Variants in OSBPL3 observed in about 807,000 individuals in gnomAD.
OSBPL3 encodes oxysterol-binding protein-related protein 3.
Under a neutral mutation model 120.1 loss-of-function variants are expected in OSBPL3, and 65 were observed. That is an observed-to-expected ratio of 0.54 (90% CI 0.44 to 0.67). OSBPL3 has a LOEUF of 0.67. OSBPL3 is among the 30% of genes least tolerant of loss of function. OSBPL3 has a pLI of 0.00. For synonymous variants in OSBPL3, 416 were observed against 402.6 expected (o/e 1.03, Z -0.40); for missense variants, 1,004 against 1,082.1 (o/e 0.93, Z 1.01).
chr7:24,960,754 A>AT (rs1815631911), intron 1 of OSBPL3, among the ~76,000 whole-genome samples: 1 of 152,236 alleles, frequency 6.6e-6, no homozygotes, highest in African/African-American at 2.4e-5. Flanking sequence ...ACACAAAAAG[A>AT]TAATTAACTG....
chr7:24,901,058 G>C (rs931838657), intron 1 of OSBPL3, among the ~76,000 whole-genome samples: 4 of 151,184 alleles, frequency 2.6e-5, no homozygotes, highest in Non-Finnish European at 4.4e-5. Flanking sequence ...GGCCAGGTGT[G>C]GTGGCTCACA....
chr7:24,905,516 A>G (rs1253355986), intron 1 of OSBPL3, among the ~76,000 whole-genome samples: 1 of 152,212 alleles, frequency 6.6e-6, no homozygotes, highest in Non-Finnish European at 1.5e-5. Flanking sequence ...AGTCTAGATC[A>G]ATTATTACCA....
At chr7:24,893,398 CA>C (rs1199059957) in intron 1 of OSBPL3, among the ~76,000 whole-genome samples, 1 of 152,160 alleles carries the variant, frequency 6.6e-6, no homozygotes, top group African/African-American at 2.4e-5. Flanking sequence ...TGTATGTTTC[CA>C]TATGAAATAT....
Position 24,893,528 on chromosome 7 carries a change from T to C in OSBPL3, c.-149-907A>G, listed in dbSNP as rs566443615. ...TGGTGTGATAAGAATATTCTGGAAC[T>C]AGGCTGGGCTCAGTGGCTCATGCCT... On this transcript the variant is annotated intron_variant, in intron 1 of 22. Coordinates refer to ENST00000313367, the MANE Select transcript of OSBPL3 (RefSeq NM_015550.4). Among the ~76,000 whole-genome samples, 9 of 152,282 alleles carry C rather than the reference T, an allele frequency of 5.9e-5. No homozygotes were observed. In the East Asian group the frequency reaches 1.5e-3, roughly 26 times the overall value.
chr7:24,975,722 T>C (rs1563028907), intron 1 of OSBPL3, among the ~76,000 whole-genome samples: 1 of 152,164 alleles, frequency 6.6e-6, no homozygotes. Context: ...AGGTAAGAAG[T>C]GCTGAAGGAA....
chr7:24,866,411 G>C (rs978432397), intron 5 of OSBPL3, among the ~76,000 whole-genome samples, 174 bp from the exon 6 acceptor site: 1 of 152,196 alleles, frequency 6.6e-6, no homozygotes. Flanking sequence ...GCCACGGAGG[G>C]AGGACCACTT....
rs1584299993 is a variant in OSBPL3 at position 24,834,872 on chromosome 7, T to G, written c.1496-136A>C. ...TCAGTTGTTCAGAGTATGGCTGAAG[T>G]CAGAAAACCGGCAAAAGAATTCTGA... On this transcript the variant is annotated intron_variant, in intron 14 of 22. Coordinates refer to ENST00000313367, the MANE Select transcript of OSBPL3 (RefSeq NM_015550.4). The surrounding 1 kb of genome is among the most constrained non-coding windows in gnomAD (Gnocchi z 5.2). 1 of 770,672 alleles carries G rather than the reference T, an allele frequency of 1.3e-6. No homozygotes were observed. 47.7% of individuals were successfully genotyped at this position (770,672 alleles called of 1,614,324 possible).
chr7:24,893,821 A>G (rs1019012822), intron 1 of OSBPL3, among the ~76,000 whole-genome samples: 3 of 152,088 alleles, frequency 2.0e-5, no homozygotes, highest in African/African-American at 7.2e-5. Flanking sequence ...TAGTTTTCAA[A>G]GAGGAAATGT....
Position 24,872,022 on chromosome 7 carries a change from G to T in OSBPL3, c.144C>A (p.Thr48=). The change falls in exon 3 of 23, where the codon ACC becomes ACA. Residue 48 remains threonine (T), a synonymous_variant. Transcript: ENST00000313367. This position sits in a 1 kb window ranked among gnomAD's most constrained non-coding sequence, Gnocchi z 4.1. ...VEGLRGEMNY[T]QEPPVQKGFL... The stretch of plus-strand genomic sequence containing the variant: ...ATCCTTTCTGAACTGGTGGCTCCTG[G>T]GTGTAATTCATCTCCCCCCTCAGTC... 1.9e-6 allele frequency: 3 copies of T among 1,613,868 alleles called. No homozygotes were observed. Among genetic ancestry groups the T allele is most frequent in the Non-Finnish European group, 2.5e-6 (3 of 1,179,876 alleles).
intron 12 of OSBPL3, among the ~76,000 whole-genome samples, chr7:24,844,762 T>C (rs185033640): frequency 1.3e-4 from 20 of 152,310 alleles, no homozygotes; most frequent in African/African-American, 4.6e-4. Flanking sequence ...TCAAGTCCCA[T>C]TGAAGTCGAT....
Position 24,867,882 on chromosome 7 carries a change from A to G in OSBPL3, c.382-1645T>C, listed in dbSNP as rs747582917. Among the ~76,000 whole-genome samples, 2 of 152,194 alleles carry G rather than the reference A, an allele frequency of 1.3e-5. No individual in the cohort carries two copies. Among genetic ancestry groups the G allele is most frequent in the African/African-American group, 2.4e-5 (1 of 41,448 alleles). ...ACAAACCTTTAGCCATCTCTCCATA[A>G]ATGAACAATTATCGATTTCTAATTT... On this transcript the variant is annotated intron_variant, in intron 5 of 22. Transcript: ENST00000313367. This position sits in a 1 kb window ranked among gnomAD's most constrained non-coding sequence, Gnocchi z 4.5.
At position 24,849,130 on chromosome 7, in the gene OSBPL3, T is replaced by C; in HGVS notation, c.1205A>G (p.His402Arg). ...TDLKERLRRI[H>R]AESLLLDSPA... is the part of the protein sequence containing the mutation. ...GGAGTCGAGGAGCAGAGACTCGGCA[T>C]GGATTCTGCGTAAGCGTTCTTTAAG... Residue 402 changes from histidine (H) to arginine (R), a missense_variant, in exon 12 of 23, where the codon CAT (histidine) becomes CGT (arginine). By Grantham distance (29) the His-to-Arg change is conservative. Around this residue, in one of 4 missense-constraint regions of OSBPL3, gnomAD observed 272 missense variants for 248.8 expected, o/e 1.09. Coordinates refer to ENST00000313367, the MANE Select transcript of OSBPL3 (RefSeq NM_015550.4). The surrounding 1 kb of genome is among the most constrained non-coding windows in gnomAD (Gnocchi z 5.4). 2 of 1,614,062 alleles carry C rather than the reference T, an allele frequency of 1.2e-6. No individual in the cohort carries two copies. The highest frequency in any genetic ancestry group is 1.1e-5 in the South Asian group (1 of 91,080).
intron 6 of OSBPL3, 45 bp from the exon 7 acceptor site, chr7:24,865,510 C>A (rs1264291854): frequency 1.9e-6 from 3 of 1,597,402 alleles, no homozygotes; most frequent in Non-Finnish European, 2.6e-6. Flanking sequence ...GAAACAGAGC[C>A]CATTGGGGAC....
At chr7:24,914,937 A>T (rs2128428375) in intron 1 of OSBPL3, among the ~76,000 whole-genome samples, 1 of 152,330 alleles carries the variant, frequency 6.6e-6, no homozygotes, top group South Asian at 2.1e-4. Context: ...CTCAGTATCA[A>T]GACAACAGGC....
Position 24,938,799 on chromosome 7 carries a change from G to C in OSBPL3, c.-150+41087C>G, listed in dbSNP as rs867668121. On this transcript the variant is annotated intron_variant, in intron 1 of 22. Transcript: ENST00000313367. The surrounding 1 kb of genome is among the most constrained non-coding windows in gnomAD (Gnocchi z 5.8). ...TTTTGATGTGTGTGTGTGTGTGTGTGTGTGTGTGTGTGTGTGTGTGTGTGT... is the reference window on the plus strand; with the variant it reads ...TTTTGATGTGTGTGTGTGTGTGTGTCTGTGTGTGTGTGTGTGTGTGTGTGT... Among the ~76,000 whole-genome samples, 105 of 150,020 alleles carry C rather than the reference G, an allele frequency of 7.0e-4. 1 individual carries two copies. Among genetic ancestry groups the C allele is most frequent in the South Asian group, 1.5e-3 (7 of 4,676 alleles).
In OSBPL3 at chr7:24,952,863, G is replaced by A. The variant is rs1304433628; in HGVS notation, c.-150+27023C>T. Among the ~76,000 whole-genome samples the A allele has an allele frequency of 6.6e-6, 1 of 152,064 alleles. No individual in the cohort carries two copies. ...CCCAATCTCATTTAAAATAACTCTG[G>A]GATGGCCAATGCCTGTAATCTCAGC... On this transcript the variant is annotated intron_variant, in intron 1 of 22. Transcript: ENST00000313367. This position sits in a 1 kb window ranked among gnomAD's most constrained non-coding sequence, Gnocchi z 4.4.
chr7:24,828,606 G>GAAGAAAAAAAAAA (rs1554349905), intron 16 of OSBPL3, among the ~76,000 whole-genome samples: 1 of 32,550 alleles, frequency 3.1e-5, no homozygotes, highest in Non-Finnish European at 5.3e-5. Flanking sequence ...GACTCTGTCT[G>GAAGAAAAAAAAAA]AAAAAAAAAA....
At chr7:24,954,572 A>G (rs1814816366) in intron 1 of OSBPL3, among the ~76,000 whole-genome samples, 1 of 152,108 alleles carries the variant, frequency 6.6e-6, no homozygotes, top group Admixed American at 6.5e-5. Context: ...TCTCACACAA[A>G]TCAGAAAAAA....
In OSBPL3 at chr7:24,867,415, A is replaced by G. The variant is rs1016153177; in HGVS notation, c.382-1178T>C. Among the ~76,000 whole-genome samples, 1 of 152,152 alleles carries G rather than the reference A, an allele frequency of 6.6e-6. No homozygotes were observed. Among genetic ancestry groups the G allele is most frequent in the African/African-American group, 2.4e-5 (1 of 41,432 alleles). ...TTGGCTGTGTCCCATGTCCCACCCA[A>G]ATCTCATCCTGAATTCCCACATTTT... is the stretch of plus-strand genomic sequence containing the variant. On this transcript the variant is annotated intron_variant, in intron 5 of 22. Coordinates refer to ENST00000313367, the MANE Select transcript of OSBPL3 (RefSeq NM_015550.4). The surrounding 1 kb of genome is among the most constrained non-coding windows in gnomAD (Gnocchi z 4.5).
Sources: gnomAD v4.1 joint callset for allele counts (sites outside exome capture counted in the v4.1 genomes callset) on GRCh38, gnomAD v4.1.1 for gene constraint, gnomAD v4.1.1 regional missense constraint, Gnocchi (gnomAD v3.1) non-coding constraint, MANE v1.5 for transcripts, NCBI Gene and HGNC (gene_info 2026-07-23, HGNC 2026-07-21) for gene names.